DMTN: variants seen among roughly 807,000 people sequenced by gnomAD.
The protein encoded by DMTN is dematin.
In DMTN, 27 loss-of-function variants were observed where a neutral mutation model predicts 59.4. That is an observed-to-expected ratio of 0.45 (90% confidence interval 0.33 to 0.63). The LOEUF is 0.63. DMTN is among the 20% of genes least tolerant of loss of function. The pLI, the probability that DMTN is intolerant of heterozygous loss-of-function variation, is 0.02. For missense variants in DMTN, 451 were observed against 528.9 expected (o/e 0.85, Z 1.45); for synonymous variants, 221 against 203.7 (o/e 1.08, Z -0.72).
intron 10 of DMTN, among the ~76,000 whole-genome samples, chr8:22,074,583 G>C (rs1412644264): frequency 3.9e-5 from 6 of 152,214 alleles, no homozygotes; most frequent in African/African-American, 1.4e-4. Context: ...CTTAAACTGA[G>C]TCTTGAAGGC....
upstream of DMTN, among the ~76,000 whole-genome samples, chr8:22,055,710 C>G (rs1802258270): frequency 6.6e-6 from 1 of 152,094 alleles, no homozygotes; most frequent in Non-Finnish European, 1.5e-5. Context: ...TCTCAGCCAC[C>G]TGCCTCCTTC....
intron 9 of DMTN, 80 bp downstream of exon 9, chr8:22,072,530 T>C: frequency 7.1e-7 from 1 of 1,411,630 alleles, no homozygotes; most frequent in Admixed American, 2.3e-5. Flanking sequence ...AGTGGCATGA[T>C]CTCAGATCAC....
chr8:22,071,877 G>A (rs1404236286), intron 8 of DMTN, among the ~76,000 whole-genome samples: 1 of 152,048 alleles, frequency 6.6e-6, no homozygotes, highest in Non-Finnish European at 1.5e-5. Context: ...CCCGCGCCCG[G>A]CCTATTTTTA....
rs149018201 is a variant in DMTN at position 22,069,466 on chromosome 8, C to A, written c.342C>A (p.Ala114=). The change falls in exon 6 of 16, where the codon GCC becomes GCA. Residue 114 remains alanine (A), a synonymous_variant. Coordinates refer to ENST00000358242, the MANE Select transcript of DMTN (RefSeq NM_001387751.1). The part of the protein sequence containing the change: ...RSPGIISQAS[A]PRTTGTPRTS... Reference sequence around the variant, plus strand: ...CTGGAATCATCTCTCAGGCCTCGGCCCCCAGAACCACTGGAACCCCCCGGA... The same window carrying A: ...CTGGAATCATCTCTCAGGCCTCGGCACCCAGAACCACTGGAACCCCCCGGA... 1.2e-6 allele frequency: 2 copies of A among 1,613,340 alleles called. No individual in the cohort carries two copies. Among genetic ancestry groups the A allele is most frequent in the African/African-American group, 2.7e-5 (2 of 74,862 alleles).
At chr8:22,056,413 G>A (rs895207501), upstream of DMTN, among the ~76,000 whole-genome samples, 5 of 152,162 alleles carry the variant, frequency 3.3e-5, no homozygotes, top group African/African-American at 1.2e-4. Context: ...CAGATGGTGG[G>A]GTGGTCATGA....
intron 9 of DMTN, among the ~76,000 whole-genome samples, chr8:22,073,230 C>A (rs985289507): frequency 6.6e-6 from 1 of 152,164 alleles, no homozygotes; most frequent in Non-Finnish European, 1.5e-5. Flanking sequence ...GTGTCAGCCA[C>A]GAACAAGAGG....
chr8:22,068,214 T>G (rs1318477513), intron 4 of DMTN, among the ~76,000 whole-genome samples: 1 of 152,218 alleles, frequency 6.6e-6, no homozygotes, highest in African/African-American at 2.4e-5. Flanking sequence ...GACCTCATCC[T>G]TGGATGCTTC....
chr8:22,069,354 G>A, intron 5 of DMTN, 65 bp from the exon 6 acceptor site: 2 of 1,377,268 alleles, frequency 1.5e-6, no homozygotes, highest in Non-Finnish European at 2.0e-6. Context: ...GGTGTGAGCT[G>A]ATGGGGTGCA....
chr8:22,055,758 C>G (rs1802280192), upstream of DMTN, among the ~76,000 whole-genome samples: 1 of 152,130 alleles, frequency 6.6e-6, no homozygotes, highest in Non-Finnish European at 1.5e-5. Flanking sequence ...CCTCAGGTTA[C>G]TGTCCTCTCT....
chr8:22,082,393 A>G lies in DMTN; in HGVS notation c.*930A>G, dbSNP rs906514045. On this transcript the variant is annotated 3_prime_UTR_variant, in exon 16 of 16. Coordinates refer to ENST00000358242, the MANE Select transcript of DMTN (RefSeq NM_001387751.1). Reference sequence around the variant, plus strand: ...TTCTTTCCAGTCCACGTGTGTATATAATGATATCTATATTTTTGCCCAGGT... The same window carrying G: ...TTCTTTCCAGTCCACGTGTGTATATGATGATATCTATATTTTTGCCCAGGT... 5.5e-6 allele frequency: 2 copies of G among 364,626 alleles called. No homozygotes were observed. Among genetic ancestry groups the G allele is most frequent in the African/African-American group, 2.1e-5 (1 of 46,922 alleles). The allele number at this position is 364,626 out of a possible 1,614,324, so 22.6% of individuals were successfully genotyped here. A position where few individuals can be genotyped will look rare whatever the true frequency, so the allele number is the denominator to read the frequency against.
chr8:22,072,292 T>A, intron 8 of DMTN, 34 bp from the exon 9 acceptor site: 1 of 1,577,328 alleles, frequency 6.3e-7, no homozygotes, highest in Non-Finnish European at 8.6e-7. Context: ...CCATGGCGAG[T>A]GACTCCCTCC....
At chr8:22,061,719 C>T (rs1437384371) in intron 1 of DMTN, among the ~76,000 whole-genome samples, 2 of 151,616 alleles carry the variant, frequency 1.3e-5, no homozygotes, top group Non-Finnish European at 2.9e-5. Flanking sequence ...TCTGACTCAC[C>T]TGTAAGATCT....
chr8:22,078,446 T>C (rs1256705402), intron 10 of DMTN, among the ~76,000 whole-genome samples: 1 of 149,398 alleles, frequency 6.7e-6, no homozygotes, highest in African/African-American at 2.4e-5. Context: ...TATATGTATA[T>C]ATTAAGATAG....
chr8:22,067,131 G>A lies in DMTN; in HGVS notation c.65G>A (p.Ser22Asn), dbSNP rs190393682. The A allele has an allele frequency of 1.2e-6, 2 of 1,602,666 alleles. No homozygotes were observed. The highest frequency in any genetic ancestry group is 1.3e-5 in the African/African-American group (1 of 74,168). Residue 22 changes from serine to asparagine, a missense_variant, in exon 3 of 16, where the codon AGT becomes AAT. Physicochemically the swap from Ser to Asn is conservative, Grantham distance 46. Coordinates refer to ENST00000358242, the MANE Select transcript of DMTN (RefSeq NM_001387751.1). ...AGCGTGAGCCCCTCCCGAGATTCCA[G>A]TGTGCCTGGCTCTCCCTCCAGCATC... Reference protein sequence around the residue: ...PGSVSPSRDSSVPGSPSSIVA... With the variant: ...PGSVSPSRDSNVPGSPSSIVA...
intron 2 of DMTN, 31 bp downstream of exon 2, chr8:22,066,924 C>T (rs1419684413): frequency 6.5e-6 from 8 of 1,239,294 alleles, no homozygotes; most frequent in Non-Finnish European, 8.1e-6. Context: ...CCGGGGCCGC[C>T]GAGGGCGGGT....
chr8:22,071,425 T>G (rs1055428516), intron 8 of DMTN, among the ~76,000 whole-genome samples: 32 of 151,296 alleles, frequency 2.1e-4, no homozygotes, highest in African/African-American at 6.8e-4. Flanking sequence ...CAGGAAGTCT[T>G]GCTCTATTGC....
intron 9 of DMTN, among the ~76,000 whole-genome samples, chr8:22,073,517 G>C (rs1246778568): frequency 6.6e-6 from 1 of 151,026 alleles, no homozygotes; most frequent in Non-Finnish European, 1.5e-5. Flanking sequence ...TGTGGTCCCA[G>C]CTCCTCAGGA....
At position 22,072,426 on chromosome 8, in the gene DMTN, G is replaced by A. The variant is rs1816277269; in HGVS notation, c.705G>A (p.Glu235=). ...DSGEEMKALR[E]RQREELSKVT... is the part of the protein sequence containing the mutation. ...GAGAGGAGATGAAGGCTCTCAGGGA[G>A]CGTCAGAGAGAGGAACTCAGTAAGG... is the stretch of plus-strand genomic sequence containing the variant. Residue 235 remains glutamate (E), a synonymous_variant, in exon 9 of 16, where the codon GAG becomes GAA. Transcript: ENST00000358242. 1 of 1,578,164 alleles carries A rather than the reference G, an allele frequency of 6.3e-7. No homozygotes were observed. The highest frequency in any genetic ancestry group is 8.6e-7 in the Non-Finnish European group (1 of 1,160,644).
At position 22,070,327 on chromosome 8, in the gene DMTN, T is replaced by A. The variant is rs149598127; in HGVS notation, c.597T>A (p.Ala199=). The A allele has an allele frequency of 2.6e-4, 421 of 1,608,218 alleles. 2 individuals are homozygous for A. In the African/African-American group the frequency reaches 4.8e-3, roughly 18 times the overall value. ...TDYWPCPPSL[A]VVETEWRKRK... is the part of the protein sequence containing the mutation. ...ACTGGCCATGCCCCCCGTCTCTGGC[T>A]GTTGTGGGTAGGAGAGATGGGGAGA... is the stretch of plus-strand genomic sequence containing the variant. Residue 199 remains alanine (A), a synonymous_variant, in exon 8 of 16, where the codon GCT becomes GCA. Transcript: ENST00000358242.
Sources: gnomAD v4.1 joint callset for allele counts (sites outside exome capture counted in the v4.1 genomes callset) on GRCh38, gnomAD v4.1.1 for gene constraint, MANE v1.5 for transcripts, NCBI Gene and HGNC (gene_info 2026-07-23, HGNC 2026-07-21) for gene names.